Variants in CDH12 observed in about 807,000 individuals in gnomAD.
CDH12 encodes cadherin 12, also known as cadherin-12.
In CDH12, 41 loss-of-function variants were observed where a neutral mutation model predicts 74.1. The observed-to-expected ratio is 0.55, with a 90% confidence interval of 0.43 to 0.72. The LOEUF (loss-of-function observed/expected upper bound fraction) is 0.72. Among genes scored for constraint, CDH12 ranks in the 30% least tolerant of loss-of-function variants. The probability of loss-of-function intolerance (pLI) is 0.00; values close to 1 mark genes in which losing one functional copy is unlikely to be tolerated. For missense variants in CDH12, 945 were observed against 977.2 expected, an observed-to-expected ratio of 0.97 and a Z score of 0.44; for synonymous variants, 399 against 355.0, an observed-to-expected ratio of 1.12 and a Z score of -1.39.
At chr5:22,793,272 C>T (rs1309062059) in intron 1 of CDH12, among the ~76,000 whole-genome samples, 2 of 152,140 alleles carry the variant, frequency 1.3e-5, no homozygotes, top group African/African-American at 4.8e-5. Context: ...GTTTTAAAAG[C>T]TTCTTACTGG....
At chr5:22,227,265 G>T (rs1752227802) in intron 3 of CDH12, among the ~76,000 whole-genome samples, 1 of 151,990 alleles carries the variant, frequency 6.6e-6, no homozygotes, top group African/African-American at 2.4e-5. Flanking sequence ...CTACCATAAT[G>T]AAGGAGACAA....
At chr5:22,489,633 T>G in intron 2 of CDH12, among the ~76,000 whole-genome samples, 1 of 151,976 alleles carries the variant, frequency 6.6e-6, no homozygotes, top group East Asian at 1.9e-4. Context: ...ATTTTATAGC[T>G]GTAAATGTAA....
chr5:22,058,725 GAGAA>G (rs1030343037), intron 5 of CDH12, among the ~76,000 whole-genome samples: 5 of 123,768 alleles, frequency 4.0e-5, no homozygotes, highest in East Asian at 2.7e-4. Context: ...AAGAAAGAAA[GAGAA>G]AGAAAGAAAA....
At chr5:22,813,651 G>A (rs1365453779) in intron 1 of CDH12, among the ~76,000 whole-genome samples, 7 of 152,004 alleles carry the variant, frequency 4.6e-5, no homozygotes, top group African/African-American at 1.7e-4. Flanking sequence ...TCCCCTGTTG[G>A]CCTTTGGGAA....
intron 9 of CDH12, among the ~76,000 whole-genome samples, chr5:21,805,938 T>C (rs1747404432): frequency 6.6e-6 from 1 of 152,120 alleles, no homozygotes; most frequent in Admixed American, 6.6e-5. Context: ...GAAGAAATGA[T>C]TGACTAAAGA....
At position 22,153,911 on chromosome 5, in the gene CDH12, CAT is replaced by C. The variant is rs1348069836; in HGVS notation, c.-187+58585_-187+58586del. 1.2e-3 allele frequency among the ~76,000 whole-genome samples: 126 copies of C among 101,600 alleles called. 1 individual carries two copies. In the South Asian group the frequency reaches 0.022, roughly 18 times the overall value. 66.7% of individuals were successfully genotyped at this position (101,600 alleles called of 152,430 possible). ...ATAAATATATATATATATACACACACATACACACACACACACAAACATATATA... is the reference window on the plus strand; with the variant it reads ...ATAAATATATATATATATACACACACACACACACACACACAAACATATATA... On this transcript the variant is annotated intron_variant, in intron 4 of 14. Coordinates refer to ENST00000382254, the MANE Select transcript of CDH12 (RefSeq NM_004061.5).
At chr5:22,365,120 A>G (rs1740973409) in intron 3 of CDH12, among the ~76,000 whole-genome samples, 1 of 152,128 alleles carries the variant, frequency 6.6e-6, no homozygotes, top group South Asian at 2.1e-4. Flanking sequence ...TTTTATTCAG[A>G]TTTGGTGCAT....
In CDH12 at chr5:21,802,569, GCA is replaced by G. The variant is rs1431412254; in HGVS notation, c.1003-151_1003-150del. ...TCTTAATAACTAGTGGGTAAGGGCA[GCA>G]CAAGGCAAACCATTTTTTTTTCTTT... On this transcript the variant is annotated intron_variant, in intron 9 of 14. Coordinates refer to ENST00000382254, the MANE Select transcript of CDH12 (RefSeq NM_004061.5). 8.9e-5 allele frequency: 52 copies of G among 583,054 alleles called. 1 individual carries two copies. In the South Asian group the frequency reaches 1.2e-3, roughly 13 times the overall value. The allele number at this position is 583,054 out of a possible 1,614,324, so 36.1% of individuals were successfully genotyped here.
chr5:21,840,575 T>G (rs371087199), intron 8 of CDH12, among the ~76,000 whole-genome samples: 3,045 of 152,086 alleles, frequency 0.02, 55 homozygotes, highest in African/African-American at 0.057. Context: ...AGAACAAAGC[T>G]GGAGGCATCA....
chr5:22,317,965 A>C (rs1464818933), intron 3 of CDH12, among the ~76,000 whole-genome samples: 1 of 152,232 alleles, frequency 6.6e-6, no homozygotes, highest in Non-Finnish European at 1.5e-5. Context: ...CAGGCAACTA[A>C]GGCAAATAAT....
chr5:22,629,769 G>A (rs1032899771), intron 1 of CDH12, among the ~76,000 whole-genome samples: 1 of 151,958 alleles, frequency 6.6e-6, no homozygotes, highest in African/African-American at 2.4e-5. Context: ...AGAGTAATTA[G>A]GTAAGAGAAA....
At chr5:22,195,672 T>C (rs1295062571) in intron 4 of CDH12, among the ~76,000 whole-genome samples, 1 of 152,222 alleles carries the variant, frequency 6.6e-6, no homozygotes, top group Non-Finnish European at 1.5e-5. Flanking sequence ...TTATACCTTT[T>C]AAACACACAG....
At chr5:21,858,736 C>T (rs1006463869) in intron 6 of CDH12, among the ~76,000 whole-genome samples, 3 of 151,896 alleles carry the variant, frequency 2.0e-5, no homozygotes, top group African/African-American at 7.2e-5. Context: ...GGAGGAGAAA[C>T]AGATTCGAGG....
At chr5:22,027,665 C>G (rs1738465599) in intron 5 of CDH12, among the ~76,000 whole-genome samples, 1 of 152,038 alleles carries the variant, frequency 6.6e-6, no homozygotes, top group Non-Finnish European at 1.5e-5. Flanking sequence ...GTGATATCCC[C>G]TTTATCATTT....
At chr5:22,490,080 C>A (rs1746797052) in intron 2 of CDH12, among the ~76,000 whole-genome samples, 1 of 151,970 alleles carries the variant, frequency 6.6e-6, no homozygotes, top group Non-Finnish European at 1.5e-5. Flanking sequence ...ATTATATGTC[C>A]ACTGGATTTA....
intron 1 of CDH12, among the ~76,000 whole-genome samples, chr5:22,587,712 A>C (rs571269846): frequency 2.0e-5 from 3 of 152,142 alleles, no homozygotes; most frequent in African/African-American, 7.2e-5. Flanking sequence ...ACTTACCAAT[A>C]ATCTGTTCCT....
At chr5:21,800,146 T>A (rs981513736) in intron 10 of CDH12, among the ~76,000 whole-genome samples, 4 of 152,162 alleles carry the variant, frequency 2.6e-5, no homozygotes, top group African/African-American at 9.7e-5. Context: ...TTATTTGGTT[T>A]CACAGCTGGA....
intron 13 of CDH12, among the ~76,000 whole-genome samples, chr5:21,756,043 T>G (rs1037809436): frequency 2.0e-5 from 3 of 152,186 alleles, no homozygotes; most frequent in Non-Finnish European, 2.9e-5. Context: ...TAATCTTGTC[T>G]GATAGAAGAA....
chr5:22,460,190 G>A (rs1745443133), intron 2 of CDH12, among the ~76,000 whole-genome samples: 1 of 151,862 alleles, frequency 6.6e-6, no homozygotes, highest in Admixed American at 6.6e-5. Flanking sequence ...ATTCTTTCTG[G>A]GTTTTGTTTT....
Sources: gnomAD v4.1 joint callset for allele counts (sites outside exome capture counted in the v4.1 genomes callset) on GRCh38, gnomAD v4.1.1 for gene constraint, MANE v1.5 for transcripts, NCBI Gene and HGNC (gene_info 2026-07-23, HGNC 2026-07-21) for gene names.